The following EPS15 variants were observed in gnomAD, a reference collection of about 807,000 sequenced individuals.
EPS15 encodes the protein epidermal growth factor receptor substrate 15.
EPS15 carries 72 observed loss-of-function variants against 113.8 expected under a neutral mutation model. That is an observed-to-expected ratio of 0.63 (90% CI 0.52 to 0.77). EPS15 has a LOEUF of 0.77. EPS15 is among the 30% of genes least tolerant of loss of function. EPS15 has a pLI of 0.00. For synonymous variants in EPS15, 344 were observed against 363.4 expected (o/e 0.95, Z 0.61); for missense variants, 1,048 against 1,045.8 (o/e 1.00, Z -0.03).
At chr1:51,423,289 C>T (rs1481526235) in intron 12 of EPS15, 20 of 1,286,738 alleles carry the variant, frequency 1.6e-5, no homozygotes, top group Middle Eastern at 2.1e-4. Flanking sequence ...TGTTGCAGCC[C>T]GATCCTTCCA....
intron 1 of EPS15, among the ~76,000 whole-genome samples, chr1:51,484,916 T>C (rs114807449): frequency 7.0e-4 from 106 of 152,350 alleles, no homozygotes; most frequent in African/African-American, 2.5e-3. Flanking sequence ...TGAAAACTCT[T>C]AGATGGTTTT....
chr1:51,437,843 G>C (rs1356481879), intron 12 of EPS15, among the ~76,000 whole-genome samples: 1 of 152,040 alleles, frequency 6.6e-6, no homozygotes, highest in African/African-American at 2.4e-5. Flanking sequence ...CTAAGATTTT[G>C]TCAGGTAACA....
In EPS15 at chr1:51,442,338, C is replaced by G. The variant is rs570541340; in HGVS notation, c.955-1906G>C. Among the ~76,000 whole-genome samples the G allele has an allele frequency of 1.3e-3, 205 of 152,060 alleles. No homozygotes were observed. In the Middle Eastern group the frequency reaches 0.014, roughly 10 times the overall value. ...TTTGCTATCAGAGGTGCAAATGTAC[C>G]AAAGAACTTGTGACTACCACATCTC... On this transcript the variant is annotated intron_variant, in intron 11 of 24. Coordinates refer to ENST00000371733, the MANE Select transcript of EPS15 (RefSeq NM_001981.3).
At chr1:51,471,372 A>C (rs1193887160) in intron 4 of EPS15, among the ~76,000 whole-genome samples, 2 of 152,222 alleles carry the variant, frequency 1.3e-5, no homozygotes, top group Non-Finnish European at 2.9e-5. Context: ...CTACTAGACA[A>C]TACCATCTTA....
chr1:51,439,285 GTTCT>G (rs1434510537), intron 12 of EPS15, among the ~76,000 whole-genome samples: 10 of 152,070 alleles, frequency 6.6e-5, no homozygotes, highest in African/African-American at 2.2e-4. Flanking sequence ...TTTGGGTTTA[GTTCT>G]TTCTTACAAC....
chr1:51,439,583 A>C (rs1255633145), intron 12 of EPS15, among the ~76,000 whole-genome samples: 1 of 152,116 alleles, frequency 6.6e-6, no homozygotes, highest in Admixed American at 6.6e-5. Context: ...TTTTACAATC[A>C]GTATTACTAT....
chr1:51,377,036 C>T (rs866148544), intron 21 of EPS15, among the ~76,000 whole-genome samples: 9 of 151,814 alleles, frequency 5.9e-5, no homozygotes, highest in African/African-American at 1.5e-4. Flanking sequence ...GAGGCTGAGG[C>T]GGGGTGGATC....
intron 21 of EPS15, among the ~76,000 whole-genome samples, chr1:51,384,685 G>T (rs1400033968): frequency 6.6e-6 from 1 of 152,106 alleles, no homozygotes; most frequent in African/African-American, 2.4e-5. Flanking sequence ...CAAACTTTCT[G>T]ATTTCAAATC....
rs146727033 is a variant in EPS15, at chr1:51,510,126, CAT to C, written c.33+9071_33+9072del. Among the ~76,000 whole-genome samples the C allele has an allele frequency of 7.3e-3, 1,117 of 152,310 alleles. 14 individuals are homozygous for C. The highest frequency in any genetic ancestry group is 0.026 in the African/African-American group (1,073 of 41,566). On this transcript the variant is annotated intron_variant, in intron 1 of 24. Coordinates refer to ENST00000371733, the MANE Select transcript of EPS15 (RefSeq NM_001981.3). The stretch of plus-strand genomic sequence containing the variant: ...GTTGTAAAGATTATTGAAAATAGCA[CAT>C]GACACGTAAGTGTGCTCAGTAAGTA...
chr1:51,492,376 AC>A (rs1218978624), intron 1 of EPS15, among the ~76,000 whole-genome samples: 1 of 152,224 alleles, frequency 6.6e-6, no homozygotes, highest in East Asian at 1.9e-4. Context: ...TACTGTAAAT[AC>A]AGTATTCTAA....
rs1646378088 is a variant in EPS15 at position 51,361,224 on chromosome 1, T to C, written c.2491A>G (p.Thr831Ala). The C allele has an allele frequency of 1.2e-6, 2 of 1,614,098 alleles. No individual in the cohort carries two copies. Among genetic ancestry groups the C allele is most frequent in the Non-Finnish European group, 1.7e-6 (2 of 1,179,942 alleles). The change falls in exon 24 of 25, where the codon ACT (threonine) becomes GCT (alanine). Residue 831 changes from threonine to alanine, a missense_variant. Transcript: ENST00000371733. ...EIFCDPFTSA[T>A]TTTNKEADPS... ...TCAGCCTCTTTATTGGTAGTGGTAG[T>C]AGCAGAAGTGAATGGATCACAAAAT...
At chr1:51,466,576 T>A (rs969287193) in intron 5 of EPS15, among the ~76,000 whole-genome samples, 1 of 151,292 alleles carries the variant, frequency 6.6e-6, no homozygotes. Context: ...AGAGCTGAGA[T>A]TGCACCACTA....
chr1:51,443,809 C>A (rs2148478263), intron 11 of EPS15, among the ~76,000 whole-genome samples: 2 of 151,894 alleles, frequency 1.3e-5, no homozygotes, highest in South Asian at 4.2e-4. Flanking sequence ...CACGCCAACG[C>A]ACCTGGCTAA....
intron 8 of EPS15, chr1:51,458,533 T>C (rs1418307168): frequency 2.2e-6 from 1 of 445,146 alleles, no homozygotes. Context: ...TATCAGGAGC[T>C]CGAGACCAGT....
At chr1:51,463,449 A>G in intron 7 of EPS15, 2 of 386,052 alleles carry the variant, frequency 5.2e-6, no homozygotes, top group Non-Finnish European at 9.2e-6. Flanking sequence ...AGGGGCTTAC[A>G]TATGTAATTC....
At chr1:51,471,826 G>A (rs1157583348) in intron 3 of EPS15, 89 bp from the exon 4 acceptor site, 2 of 932,346 alleles carry the variant, frequency 2.1e-6, no homozygotes, top group African/African-American at 1.7e-5. Context: ...TACAACCTCA[G>A]GCTCTCTGGT....
At chr1:51,381,554 T>C (rs1231116809) in intron 21 of EPS15, among the ~76,000 whole-genome samples, 1 of 151,968 alleles carries the variant, frequency 6.6e-6, no homozygotes, top group African/African-American at 2.4e-5. Flanking sequence ...GATCGCGCCA[T>C]TGCACCCCAG....
chr1:51,453,254 A>C (rs1225757549), intron 8 of EPS15, among the ~76,000 whole-genome samples: 2 of 152,178 alleles, frequency 1.3e-5, no homozygotes, highest in Non-Finnish European at 2.9e-5. Flanking sequence ...TGGACACTAG[A>C]AGCGAAAAAG....
intron 19 of EPS15, among the ~76,000 whole-genome samples, chr1:51,399,500 A>C (rs1648302669): frequency 6.6e-6 from 1 of 151,682 alleles, no homozygotes; most frequent in South Asian, 2.1e-4. Context: ...TGCAGTGAGC[A>C]AAGATCTGCC....
Sources: allele counts gnomAD v4.1 joint callset (sites outside exome capture counted in the v4.1 genomes callset), GRCh38; gene constraint gnomAD v4.1.1; transcripts MANE v1.5; gene names NCBI Gene and HGNC (gene_info 2026-07-23, HGNC 2026-07-21).